The following PALLD variants were observed in gnomAD, a reference collection of about 807,000 sequenced individuals.
PALLD encodes the protein palladin, cytoskeletal associated protein.
Under a neutral mutation model 123.5 loss-of-function variants are expected in PALLD, and 61 were observed. The ratio of observed to expected loss-of-function variants is 0.49; its 90% CI spans 0.40 to 0.61. PALLD has a LOEUF of 0.61. Among genes scored for constraint, PALLD ranks in the 20% least tolerant of loss-of-function variants. PALLD has a pLI of 0.00. For missense variants in PALLD, 1,273 were observed against 1,377.0 expected (o/e 0.92, Z 1.20); for synonymous variants, 465 against 496.4 (o/e 0.94, Z 0.84).
At chr4:168,806,747 A>C (rs974269294) in intron 10 of PALLD, among the ~76,000 whole-genome samples, 3 of 152,208 alleles carry the variant, frequency 2.0e-5, no homozygotes, top group African/African-American at 7.2e-5. Flanking sequence ...GTCGTTTAGC[A>C]TAGATCCTTT....
At chr4:168,733,113 T>C (rs1787344126) in intron 10 of PALLD, among the ~76,000 whole-genome samples, 1 of 152,212 alleles carries the variant, frequency 6.6e-6, no homozygotes, top group African/African-American at 2.4e-5. Context: ...ACATATATAA[T>C]GTGTAACTAT....
At chr4:168,631,316 C>T (rs889776194) in intron 2 of PALLD, among the ~76,000 whole-genome samples, 1 of 152,168 alleles carries the variant, frequency 6.6e-6, no homozygotes, top group African/African-American at 2.4e-5. Flanking sequence ...CTTGGATTTC[C>T]CCCCTTGAGA....
intron 10 of PALLD, among the ~76,000 whole-genome samples, chr4:168,775,134 G>A (rs1019330780): frequency 5.9e-5 from 9 of 151,964 alleles, no homozygotes; most frequent in Non-Finnish European, 7.4e-5. Context: ...TTCCAAAATG[G>A]TTATATCGTT....
chr4:168,528,173 A>G (rs1472851648), intron 2 of PALLD, among the ~76,000 whole-genome samples: 1 of 152,180 alleles, frequency 6.6e-6, no homozygotes, highest in African/African-American at 2.4e-5. Context: ...CCAAACCTAA[A>G]ATGATGATGA....
rs149277801 is a variant in PALLD, at chr4:168,687,263, T to G, written c.1335+1704T>G. The stretch of plus-strand genomic sequence containing the variant: ...TTTCCAGTTGGGCACAGGCAACAAA[T>G]GATAACAGGTGGTAACAACTTGGAA... On this transcript the variant is annotated intron_variant, in intron 6 of 21. Transcript: ENST00000505667. 3.4e-3 allele frequency among the ~76,000 whole-genome samples: 514 copies of G among 152,258 alleles called. 1 individual carries two copies. Among genetic ancestry groups the G allele is most frequent in the Admixed American group, 5.3e-3 (81 of 15,296 alleles).
At position 168,639,381 on chromosome 4, in the gene PALLD, G is replaced by A. The variant is rs141351024; in HGVS notation, c.909-28809G>A. On this transcript the variant is annotated intron_variant, in intron 2 of 21. Coordinates refer to ENST00000505667, the MANE Select transcript of PALLD (RefSeq NM_001166108.2). ...TTAAACTGGGCATGTTATTGTATCC[G>A]CATCCTCCAGTCTGGTGTGGCCCCT... Among the ~76,000 whole-genome samples the A allele has an allele frequency of 3.2e-3, 483 of 152,208 alleles. 3 individuals are homozygous for A. The highest frequency in any genetic ancestry group is 0.011 in the African/African-American group (448 of 41,534).
chr4:168,580,239 GGTGTGT>G lies in PALLD; in HGVS notation c.908+67852_908+67857del, dbSNP rs59142111. Among the ~76,000 whole-genome samples, 781 of 147,474 alleles carry G rather than the reference GGTGTGT, an allele frequency of 5.3e-3. 12 individuals carry two copies. The highest frequency in any genetic ancestry group is 0.019 in the African/African-American group (752 of 40,312). On this transcript the variant is annotated intron_variant, in intron 2 of 21. Transcript: ENST00000505667. ...TAAAGACTGAATATTATTTCACTGT[GGTGTGT>G]GTGTGTGTGTGTGTGTGTGTGTGTA...
intron 2 of PALLD, among the ~76,000 whole-genome samples, chr4:168,589,810 T>C (rs1405870849): frequency 1.3e-5 from 2 of 152,212 alleles, no homozygotes; most frequent in African/African-American, 4.8e-5. Context: ...ATTTAAACTC[T>C]TGAAGGTCTC....
chr4:168,523,219 G>A (rs1030268542), intron 2 of PALLD, among the ~76,000 whole-genome samples: 6 of 45,600 alleles, frequency 1.3e-4, no homozygotes, highest in African/African-American at 2.5e-4. Context: ...CGAGAAGAAA[G>A]AGGAGAGGAG....
chr4:168,775,299 T>C (rs1243083139), intron 10 of PALLD, among the ~76,000 whole-genome samples: 1 of 152,190 alleles, frequency 6.6e-6, no homozygotes, highest in Non-Finnish European at 1.5e-5. Context: ...GACTGATGAT[T>C]TGAGCATCTT....
In PALLD at chr4:168,924,976, C is replaced by T. The variant is rs59633770; in HGVS notation, c.3256C>T (p.Leu1086=). Residue 1086 remains leucine (L), a synonymous_variant, in exon 20 of 22, where the codon CTG becomes TTG. Coordinates refer to ENST00000505667, the MANE Select transcript of PALLD (RefSeq NM_001166108.2). The part of the protein sequence containing the change: ...MHQDNHGYIC[L]LIQGATKEDA... ...CCAGGACAACCACGGCTACATCTGC[C>T]TGCTCATTCAGGGAGCCACAAAAGA... 1,778 of 1,614,110 alleles carry T rather than the reference C, an allele frequency of 1.1e-3. 17 individuals are homozygous for T. In the East Asian group the frequency reaches 0.025, roughly 23 times the overall value.
chr4:168,877,419 TA>T (rs1243350789), intron 10 of PALLD, among the ~76,000 whole-genome samples: 3 of 152,240 alleles, frequency 2.0e-5, no homozygotes, highest in Non-Finnish European at 4.4e-5. Flanking sequence ...CTTGATCCGT[TA>T]AAAACAAATT....
chr4:168,922,790 C>T (rs1761841216), intron 18 of PALLD, among the ~76,000 whole-genome samples: 1 of 152,206 alleles, frequency 6.6e-6, no homozygotes, highest in Non-Finnish European at 1.5e-5. Context: ...TAAAACTTCA[C>T]TTTTCTGCTG....
intron 6 of PALLD, among the ~76,000 whole-genome samples, chr4:168,689,638 G>A (rs1782432715): frequency 6.6e-6 from 1 of 151,486 alleles, no homozygotes; most frequent in African/African-American, 2.4e-5. Flanking sequence ...AGTAGAGACA[G>A]GATTTCGCCA....
chr4:168,832,362 G>C (rs1275270021), intron 10 of PALLD, among the ~76,000 whole-genome samples: 1 of 151,506 alleles, frequency 6.6e-6, no homozygotes, highest in Admixed American at 6.6e-5. Context: ...CCCCCGGCCC[G>C]CGGGAGCACA....
rs1174851854 is a variant in PALLD at position 168,612,319 on chromosome 4, A to G, written c.909-55871A>G. Among the ~76,000 whole-genome samples, 4 of 151,504 alleles carry G rather than the reference A, an allele frequency of 2.6e-5. No homozygotes were observed. In the East Asian group the frequency reaches 7.7e-4, roughly 29 times the overall value. ...ATCATCTCTTCAACCCCCTTGAAAT[A>G]GGGAACTGATATATCACATCCCCAT... On this transcript the variant is annotated intron_variant, in intron 2 of 21. Transcript: ENST00000505667.
At chr4:168,866,098 T>TG (rs1750236982) in intron 10 of PALLD, among the ~76,000 whole-genome samples, 1 of 138,768 alleles carries the variant, frequency 7.2e-6, no homozygotes, top group African/African-American at 2.6e-5. Context: ...CTGTCTCTAC[T>TG]AAAAAAAAAA....
intron 1 of PALLD, among the ~76,000 whole-genome samples, chr4:168,499,662 G>C (rs1761188335): frequency 6.6e-6 from 1 of 151,710 alleles, no homozygotes; most frequent in African/African-American, 2.4e-5. Context: ...TCCTACCCCT[G>C]CCTAAATCCC....
At chr4:168,675,467 G>T (rs563778513) in intron 3 of PALLD, among the ~76,000 whole-genome samples, 1 of 152,210 alleles carries the variant, frequency 6.6e-6, no homozygotes, top group Non-Finnish European at 1.5e-5. Flanking sequence ...GACCACTGCC[G>T]TGCCTCTCTA....
Sources: gnomAD v4.1 joint callset for allele counts (sites outside exome capture counted in the v4.1 genomes callset) on GRCh38, gnomAD v4.1.1 for gene constraint, MANE v1.5 for transcripts, NCBI Gene and HGNC (gene_info 2026-07-23, HGNC 2026-07-21) for gene names.